PCYOX1: variants seen among roughly 807,000 people sequenced by gnomAD.
PCYOX1 encodes the protein prenylcysteine lyase.
Under a neutral mutation model 46.4 loss-of-function variants are expected in PCYOX1, and 46 were observed. That is an observed-to-expected ratio of 0.99 (90% CI 0.78 to 1.27). The LOEUF (loss-of-function observed/expected upper bound fraction) is 1.27. Ranked by LOEUF, PCYOX1 falls within the 50% of genes most tolerant of loss-of-function variation. The pLI is 0.00. For missense variants in PCYOX1, 658 were observed against 628.3 expected (o/e 1.05, Z -0.51); for synonymous variants, 220 against 231.8 (o/e 0.95, Z 0.46).
chr2:70,264,940 C>T (rs981716722), intron 3 of PCYOX1, among the ~76,000 whole-genome samples: 10 of 151,940 alleles, frequency 6.6e-5, no homozygotes, highest in Middle Eastern at 3.4e-3. Flanking sequence ...ACCCAGGAAG[C>T]GGAGGTTGTG....
chr2:70,261,317 T>C lies in PCYOX1; in HGVS notation c.425T>C (p.Val142Ala), dbSNP rs748813203. 6.2e-7 allele frequency: 1 copy of C among 1,612,262 alleles called. No individual in the cohort carries two copies. The highest frequency in any genetic ancestry group is 1.1e-5 in the South Asian group (1 of 91,058). The change falls in exon 3 of 6, where the codon GTT becomes GCT. Residue 142 changes from valine to alanine, a missense_variant. Coordinates refer to ENST00000433351, the MANE Select transcript of PCYOX1 (RefSeq NM_016297.4). Reference sequence around the variant, plus strand: ...TTCATAATTAACGTGATTAAATTAGTTTGGCGCTATGGATTTCAATCCCTC... The same window carrying C: ...TTCATAATTAACGTGATTAAATTAGCTTGGCGCTATGGATTTCAATCCCTC... ...NWFIINVIKLVWRYGFQSLRM... is the reference protein window; with the variant it reads ...NWFIINVIKLAWRYGFQSLRM...
chr2:70,266,432 T>A (rs1217903338), intron 3 of PCYOX1, among the ~76,000 whole-genome samples: 1 of 152,138 alleles, frequency 6.6e-6, no homozygotes, highest in African/African-American at 2.4e-5. Flanking sequence ...GACTTTGGTC[T>A]TCTAATTTAC....
chr2:70,274,938 G>A, intron 3 of PCYOX1, 21 bp from the exon 4 acceptor site: 1 of 1,445,692 alleles, frequency 6.9e-7, no homozygotes, highest in Non-Finnish European at 9.7e-7. Context: ...GTATTTAATG[G>A]ATTTCTCTTC....
At chr2:70,261,128 G>A (rs908234850) in intron 2 of PCYOX1, 84 bp from the exon 3 acceptor site, 5 of 807,238 alleles carry the variant, frequency 6.2e-6, no homozygotes, top group Non-Finnish European at 1.0e-5. Flanking sequence ...AGAACTGAGG[G>A]AAGCCCCAAA....
At chr2:70,269,334 A>ATTT (rs745493965) in intron 3 of PCYOX1, among the ~76,000 whole-genome samples, 1 of 131,704 alleles carries the variant, frequency 7.6e-6, no homozygotes, top group African/African-American at 2.9e-5. Flanking sequence ...TGCCCAGCTA[A>ATTT]TTTTTTTTTT....
At chr2:70,258,517 CA>C (rs1696382019) in intron 1 of PCYOX1, 2 of 230,266 alleles carry the variant, frequency 8.7e-6, no homozygotes, top group Admixed American at 1.3e-4. Flanking sequence ...TGGACGGGGA[CA>C]GGGGCGGGCG....
intron 2 of PCYOX1, 54 bp downstream of exon 2, chr2:70,259,620 A>G: frequency 2.3e-6 from 3 of 1,305,668 alleles, no homozygotes; most frequent in Non-Finnish European, 3.3e-6. Context: ...ATCCCCGGAT[A>G]TTTTTATCAG....
chr2:70,260,931 C>CT (rs764017516), intron 2 of PCYOX1, among the ~76,000 whole-genome samples: 5 of 152,048 alleles, frequency 3.3e-5, no homozygotes, highest in Non-Finnish European at 7.4e-5. Flanking sequence ...GGCTTTTTTC[C>CT]TTTGACTATC....
upstream of PCYOX1, chr2:70,258,076 C>T (rs1696369990): frequency 9.1e-7 from 1 of 1,101,950 alleles, no homozygotes; most frequent in Non-Finnish European, 1.3e-6. Context: ...GCTGGGCGGC[C>T]TGGGGGCGGG....
intron 3 of PCYOX1, among the ~76,000 whole-genome samples, chr2:70,266,821 T>C (rs1330707700): frequency 2.0e-5 from 3 of 152,028 alleles, no homozygotes; most frequent in Non-Finnish European, 4.4e-5. Context: ...GCAGAAGAAT[T>C]TCTCTTACTA....
At chr2:70,262,380 G>A (rs549053690) in intron 3 of PCYOX1, among the ~76,000 whole-genome samples, 1 of 151,798 alleles carries the variant, frequency 6.6e-6, no homozygotes, top group South Asian at 2.1e-4. Context: ...TGGCCAGGCT[G>A]GTCTCGAACT....
intron 3 of PCYOX1, among the ~76,000 whole-genome samples, chr2:70,267,254 C>T (rs1376942541): frequency 1.3e-5 from 2 of 152,066 alleles, no homozygotes; most frequent in East Asian, 1.9e-4. Flanking sequence ...AGACGCTCCT[C>T]ACTTCCTAGA....
chr2:70,267,278 G>A (rs944725611), intron 3 of PCYOX1, among the ~76,000 whole-genome samples: 4 of 151,930 alleles, frequency 2.6e-5, no homozygotes, highest in African/African-American at 7.3e-5. Flanking sequence ...GATGACGGCC[G>A]GGAAGAGGCG....
At chr2:70,275,410 G>T in intron 4 of PCYOX1, 104 bp from the exon 5 acceptor site, 1 of 1,240,524 alleles carries the variant, frequency 8.1e-7, no homozygotes, top group Non-Finnish European at 1.2e-6. Flanking sequence ...ATTTAGCAAT[G>T]TCTAGAGACA....
At chr2:70,268,941 A>G in intron 3 of PCYOX1, among the ~76,000 whole-genome samples, 1 of 152,118 alleles carries the variant, frequency 6.6e-6, no homozygotes, top group East Asian at 1.9e-4. Flanking sequence ...TGGCCTACAG[A>G]ACTATAAGAA....
chr2:70,277,350 T>C lies in PCYOX1; in HGVS notation c.1476T>C (p.Ile492=). Reference sequence around the variant, plus strand: ...GCTGGAACGGGCACACAGACATGATTGATCAGGATGGCTTATATGAGAAAC... The same window carrying C: ...GCTGGAACGGGCACACAGACATGATCGATCAGGATGGCTTATATGAGAAAC... ...YHRWNGHTDM[I]DQDGLYEKLK... Residue 492 remains isoleucine (I), a synonymous_variant, in exon 6 of 6, where the codon ATT becomes ATC. Coordinates refer to ENST00000433351, the MANE Select transcript of PCYOX1 (RefSeq NM_016297.4). 2 of 1,611,830 alleles carry C rather than the reference T, an allele frequency of 1.2e-6. No individual in the cohort carries two copies. The highest frequency in any genetic ancestry group is 1.7e-6 in the Non-Finnish European group (2 of 1,178,126).
chr2:70,276,098 T>TA (rs568163191), intron 5 of PCYOX1, among the ~76,000 whole-genome samples: 2,176 of 105,394 alleles, frequency 0.021, 35 homozygotes, highest in African/African-American at 0.052. Context: ...AGACTCCATC[T>TA]AAAAAAAAAA....
chr2:70,258,987 G>A (rs993396730), intron 1 of PCYOX1, among the ~76,000 whole-genome samples: 2 of 152,006 alleles, frequency 1.3e-5, no homozygotes, highest in Non-Finnish European at 2.9e-5. Context: ...AACAAAGCTA[G>A]GCATAAATGG....
chr2:70,260,018 G>C (rs948073399), intron 2 of PCYOX1, among the ~76,000 whole-genome samples: 1 of 152,144 alleles, frequency 6.6e-6, no homozygotes, highest in African/African-American at 2.4e-5. Flanking sequence ...GTTTCACCAT[G>C]TTGGCCAGCT....
Sources: allele counts gnomAD v4.1 joint callset (sites outside exome capture counted in the v4.1 genomes callset), GRCh38; gene constraint gnomAD v4.1.1; transcripts MANE v1.5; gene names NCBI Gene and HGNC (gene_info 2026-07-23, HGNC 2026-07-21).